Variants in ITCH observed in about 807,000 individuals in gnomAD.
ITCH encodes itchy E3 ubiquitin protein ligase.
Under a neutral mutation model 126.8 loss-of-function variants are expected in ITCH, and 28 were observed. The observed-to-expected ratio is 0.22, with a 90% CI of 0.16 to 0.30. ITCH has a LOEUF of 0.30. Ranked by LOEUF, ITCH falls within the 10% of genes least tolerant of loss-of-function variation. The probability of loss-of-function intolerance (pLI) is 1.00; values close to 1 mark genes in which losing one functional copy is unlikely to be tolerated. For missense variants in ITCH, 631 were observed against 1,032.4 expected (o/e 0.61, Z 5.33); for synonymous variants, 342 against 340.0 (o/e 1.01, Z -0.06).
At chr20:34,465,852 A>G (rs1004389940) in intron 14 of ITCH, among the ~76,000 whole-genome samples, 1 of 151,720 alleles carries the variant, frequency 6.6e-6, no homozygotes, top group Non-Finnish European at 1.5e-5. Flanking sequence ...GCTTCTGAAA[A>G]CAGATAAGTT....
chr20:34,435,196 T>C (rs989861144), intron 7 of ITCH, among the ~76,000 whole-genome samples: 2 of 150,220 alleles, frequency 1.3e-5, no homozygotes, highest in African/African-American at 4.9e-5. Context: ...TGAGACAGAG[T>C]CTTGCTCTGT....
At chr20:34,447,444 C>T (rs572082277) in intron 11 of ITCH, among the ~76,000 whole-genome samples, 20 of 152,026 alleles carry the variant, frequency 1.3e-4, no homozygotes, top group African/African-American at 4.8e-4. Context: ...ATGAAGTGGC[C>T]TTTGTCCACC....
intron 14 of ITCH, among the ~76,000 whole-genome samples, chr20:34,464,123 C>T (rs1478507138): frequency 6.6e-6 from 1 of 151,276 alleles, no homozygotes; most frequent in Admixed American, 6.6e-5. Context: ...TACAGGCGCC[C>T]GCCACCATGC....
intron 7 of ITCH, among the ~76,000 whole-genome samples, chr20:34,429,756 CTGT>C (rs1230012964): frequency 8.6e-5 from 13 of 151,858 alleles, no homozygotes; most frequent in Non-Finnish European, 1.5e-4. Flanking sequence ...TTTTTTTGAA[CTGT>C]TGTTTTTATG....
At chr20:34,403,537 A>G (rs2038955731) in intron 3 of ITCH, among the ~76,000 whole-genome samples, 1 of 152,208 alleles carries the variant, frequency 6.6e-6, no homozygotes, top group Non-Finnish European at 1.5e-5. Context: ...TTCAACATGT[A>G]TATTAAATAC....
intron 16 of ITCH, among the ~76,000 whole-genome samples, chr20:34,474,816 G>A (rs1412858068): frequency 2.0e-5 from 3 of 151,934 alleles, no homozygotes; most frequent in South Asian, 2.1e-4. Context: ...CCTCCCTCCC[G>A]GACAGGGTGG....
At chr20:34,426,637 G>A (rs997322697) in intron 7 of ITCH, among the ~76,000 whole-genome samples, 1 of 125,660 alleles carries the variant, frequency 8.0e-6, no homozygotes, top group African/African-American at 2.7e-5. Flanking sequence ...TTTAGTAAGA[G>A]ATGGGGTTTT....
intron 20 of ITCH, among the ~76,000 whole-genome samples, chr20:34,487,919 A>G (rs1407719559): frequency 6.6e-6 from 1 of 152,234 alleles, no homozygotes; most frequent in Non-Finnish European, 1.5e-5. Context: ...AGCCTAGGGG[A>G]CAAGAGCGAG....
chr20:34,469,219 A>G (rs915702339), intron 14 of ITCH, among the ~76,000 whole-genome samples: 13 of 119,480 alleles, frequency 1.1e-4, no homozygotes, highest in African/African-American at 3.9e-4. Context: ...AGGGCAAATT[A>G]TAAACACACA....
At chr20:34,506,592 C>T (rs78026026) in intron 24 of ITCH, among the ~76,000 whole-genome samples, 4,738 of 152,224 alleles carry the variant, frequency 0.031, 269 homozygotes, top group African/African-American at 0.11. Flanking sequence ...GCATTCCTTA[C>T]GAGAATCTAA....
intron 20 of ITCH, among the ~76,000 whole-genome samples, chr20:34,484,632 G>C (rs1988983255): frequency 6.6e-6 from 1 of 152,080 alleles, no homozygotes; most frequent in South Asian, 2.1e-4. Flanking sequence ...CAGCTAAAAA[G>C]GTTTTTAGTA....
intron 3 of ITCH, among the ~76,000 whole-genome samples, chr20:34,397,162 A>G (rs1460179182): frequency 6.6e-6 from 1 of 152,098 alleles, no homozygotes; most frequent in Non-Finnish European, 1.5e-5. Context: ...AGCTGGGGTT[A>G]TAGGCGCCCG....
intron 14 of ITCH, among the ~76,000 whole-genome samples, chr20:34,468,103 C>A (rs995988275): frequency 1.1e-4 from 16 of 149,074 alleles, no homozygotes; most frequent in Admixed American, 7.4e-4. Flanking sequence ...GGCACAATCT[C>A]AGCTCACTGC....
chr20:34,377,188 C>T lies in ITCH; in HGVS notation c.-22+7718C>T, dbSNP rs984603512. 3.3e-5 allele frequency among the ~76,000 whole-genome samples: 5 copies of T among 152,006 alleles called. No individual in the cohort carries two copies. In the East Asian group the frequency reaches 9.8e-4, roughly 30 times the overall value. On this transcript the variant is annotated intron_variant, in intron 2 of 24. Transcript: ENST00000374864. ...TGGAGTTTGAGACCAGCCTGGCCAA[C>T]AGGGCGAAACCTCGTGTCTACTAAA...
chr20:34,480,517 A>T, intron 18 of ITCH, 82 bp from the exon 19 acceptor site: 1 of 1,523,532 alleles, frequency 6.6e-7, no homozygotes, highest in Admixed American at 1.7e-5. Flanking sequence ...AAGTGTTTTT[A>T]AATGAAGAGT....
intron 1 of ITCH, among the ~76,000 whole-genome samples, chr20:34,368,924 A>G (rs1420716774): frequency 6.6e-6 from 1 of 152,060 alleles, no homozygotes; most frequent in Admixed American, 6.6e-5. Flanking sequence ...ATTTTCCCTC[A>G]GTTCTTTCTT....
At chr20:34,408,566 A>C in intron 3 of ITCH, 85 bp from the exon 4 acceptor site, 1 of 1,280,324 alleles carries the variant, frequency 7.8e-7, no homozygotes, top group Non-Finnish European at 1.1e-6. Flanking sequence ...AAATTTAGTA[A>C]ATCTGCCTAA....
chr20:34,423,380 G>A (rs1179734160), intron 6 of ITCH, among the ~76,000 whole-genome samples: 1 of 152,172 alleles, frequency 6.6e-6, no homozygotes, highest in Admixed American at 6.6e-5. Flanking sequence ...TGGTGACTCA[G>A]TATTTTTTAA....
rs1159315184 is a variant in ITCH, at chr20:34,456,322, T to G, written c.1211-1068T>G. Reference sequence around the variant, plus strand: ...TCACTGCAGTCTTGACCTCCCAGGTTCAGGTGACCCTCCTGCCTTAGCCCC... The same window carrying G: ...TCACTGCAGTCTTGACCTCCCAGGTGCAGGTGACCCTCCTGCCTTAGCCCC... On this transcript the variant is annotated intron_variant, in intron 12 of 24. Transcript: ENST00000374864. Among the ~76,000 whole-genome samples the G allele has an allele frequency of 9.6e-5, 13 of 136,056 alleles. 1 individual carries two copies. Among genetic ancestry groups the G allele is most frequent in the Admixed American group, 3.1e-4 (4 of 13,076 alleles). The allele number at this position is 136,056 out of a possible 152,430, so 89.3% of individuals were successfully genotyped here.
Sources: allele counts gnomAD v4.1 joint callset (sites outside exome capture counted in the v4.1 genomes callset), GRCh38; gene constraint gnomAD v4.1.1; transcripts MANE v1.5; gene names NCBI Gene and HGNC (gene_info 2026-07-23, HGNC 2026-07-21).